The following PIK3C2G variants were observed in gnomAD, a reference collection of about 807,000 sequenced individuals.
PIK3C2G encodes phosphatidylinositol 3-kinase C2 domain-containing subunit gamma.
A neutral mutation model predicts 181.1 loss-of-function variants in PIK3C2G; 168 were observed. That is an observed-to-expected ratio of 0.93 (90% CI 0.82 to 1.05). The LOEUF is 1.05. Ranked by LOEUF, PIK3C2G falls within the 50% of genes least tolerant of loss-of-function variation. The probability of loss-of-function intolerance (pLI) is 0.00; values close to 1 mark genes in which losing one functional copy is unlikely to be tolerated. For missense variants in PIK3C2G, 1,869 were observed against 1,732.8 expected (o/e 1.08, Z -1.40); for synonymous variants, 573 against 592.2 (o/e 0.97, Z 0.47).
At chr12:18,688,417 G>A in the PIK3C2G span, among the ~76,000 whole-genome samples, 1 of 151,866 alleles carries the variant, frequency 6.6e-6, no homozygotes, top group Non-Finnish European at 1.5e-5. Flanking sequence ...CCAAGAATAT[G>A]TACAAAATTA....
the PIK3C2G span, among the ~76,000 whole-genome samples, chr12:18,664,650 T>C: frequency 6.6e-6 from 1 of 151,974 alleles, no homozygotes; most frequent in Non-Finnish European, 1.5e-5. Flanking sequence ...AGCCATCCCA[T>C]TATTGGGTAT....
At chr12:18,485,185 A>T (rs562067111) in intron 18 of PIK3C2G, among the ~76,000 whole-genome samples, 1 of 152,294 alleles carries the variant, frequency 6.6e-6, no homozygotes, top group South Asian at 2.1e-4. Flanking sequence ...TGAGGCAAAG[A>T]GGGCTGGGAT....
chr12:18,245,634 C>A (rs1028463404), upstream of PIK3C2G, among the ~76,000 whole-genome samples: 6 of 151,988 alleles, frequency 3.9e-5, no homozygotes, highest in South Asian at 2.1e-4. Context: ...ATGTAACTTA[C>A]AATTTTTAAG....
In PIK3C2G at chr12:18,290,960, T is replaced by C. The variant is rs1295004447; in HGVS notation, c.867T>C (p.Asn289=). The C allele has an allele frequency of 4.4e-6, 7 of 1,594,358 alleles. No individual in the cohort carries two copies. The Admixed American group carries it at 5.0e-5, about 11-fold the overall frequency. The change falls in exon 4 of 33, where the codon AAT becomes AAC. Residue 289 remains asparagine, a synonymous_variant. Coordinates refer to ENST00000538779, the MANE Select transcript of PIK3C2G (RefSeq NM_001288772.2). ...AGCTCTTTTCTAAGACCAAGTTTAA[T>C]ATACATATTTTTATTGATAACTCAA... ...PYQLFSKTKF[N]IHIFIDNSTQ... is the part of the protein sequence containing the mutation.
At chr12:18,295,810 G>A (rs1340822997) in intron 5 of PIK3C2G, among the ~76,000 whole-genome samples, 1 of 151,882 alleles carries the variant, frequency 6.6e-6, no homozygotes, top group African/African-American at 2.4e-5. Flanking sequence ...TTATTTTAAT[G>A]TGCAGAATAT....
intron 12 of PIK3C2G, among the ~76,000 whole-genome samples, chr12:18,367,847 C>G (rs1467265924): frequency 1.3e-5 from 2 of 152,148 alleles, no homozygotes; most frequent in African/African-American, 4.8e-5. Context: ...AGCCACCACC[C>G]CTGGCTGAGA....
chr12:18,245,165 G>A (rs1468940579), upstream of PIK3C2G, among the ~76,000 whole-genome samples: 2 of 152,080 alleles, frequency 1.3e-5, no homozygotes, highest in East Asian at 1.9e-4. Context: ...AGGAAAACTC[G>A]TAATAAAAAA....
chr12:18,535,943 C>T (rs1943830176), intron 24 of PIK3C2G, among the ~76,000 whole-genome samples: 1 of 138,940 alleles, frequency 7.2e-6, no homozygotes, highest in Non-Finnish European at 1.5e-5. Context: ...GAACATCACA[C>T]ACCAGGGCCT....
At chr12:18,390,007 C>T (rs1015390737) in intron 14 of PIK3C2G, among the ~76,000 whole-genome samples, 13 of 152,062 alleles carry the variant, frequency 8.5e-5, no homozygotes, top group Admixed American at 2.6e-4. Flanking sequence ...CTCTAAGGTA[C>T]CAAAGTTCAT....
At position 18,386,874 on chromosome 12, in the gene PIK3C2G, C is replaced by G. The variant is rs527619217; in HGVS notation, c.1996-4248C>G. Among the ~76,000 whole-genome samples the G allele has an allele frequency of 3.3e-5, 5 of 152,184 alleles. No individual in the cohort carries two copies. The South Asian group carries it at 1.0e-3, about 32-fold the overall frequency. The stretch of plus-strand genomic sequence containing the variant: ...CTGGGTCTCATACATTTCTAAGGTT[C>G]TTGTCTCAATATCTGTGTAAGTGCA... On this transcript the variant is annotated intron_variant, in intron 14 of 32. Transcript: ENST00000538779.
At chr12:18,367,574 G>A (rs996308915) in intron 12 of PIK3C2G, among the ~76,000 whole-genome samples, 22 of 151,886 alleles carry the variant, frequency 1.4e-4, no homozygotes, top group African/African-American at 5.3e-4. Context: ...TTTTTTTTGA[G>A]ATGGAGTTTC....
chr12:18,692,001 G>A, the PIK3C2G span, among the ~76,000 whole-genome samples: 2 of 152,140 alleles, frequency 1.3e-5, no homozygotes, highest in Admixed American at 1.3e-4. Flanking sequence ...AGTAGACGTG[G>A]AGTGTAGCTT....
At chr12:18,491,742 T>A (rs1419075761) in intron 20 of PIK3C2G, among the ~76,000 whole-genome samples, 184 bp downstream of exon 20, 1 of 152,184 alleles carries the variant, frequency 6.6e-6, no homozygotes, top group South Asian at 2.1e-4. Context: ...TGGGATCACA[T>A]TGGCCTTATC....
chr12:18,648,502 G>T (rs11044235), downstream of PIK3C2G: 50,176 of 176,604 alleles, frequency 0.28, 8,497 homozygotes, highest in South Asian at 0.49. Flanking sequence ...GAGGGAATTG[G>T]TATATTTCAG....
intron 24 of PIK3C2G, among the ~76,000 whole-genome samples, chr12:18,527,342 TG>T (rs1446897334): frequency 1.3e-5 from 2 of 152,236 alleles, no homozygotes; most frequent in African/African-American, 4.8e-5. Context: ...GCCCCACTTC[TG>T]TTGCTGGGGG....
At chr12:18,670,192 T>A in the PIK3C2G span, among the ~76,000 whole-genome samples, 1 of 152,064 alleles carries the variant, frequency 6.6e-6, no homozygotes, top group Non-Finnish European at 1.5e-5. Flanking sequence ...TGAAACAAGA[T>A]CAATATAAAA....
At chr12:18,450,180 G>A (rs1003425767) in intron 18 of PIK3C2G, among the ~76,000 whole-genome samples, 3 of 152,180 alleles carry the variant, frequency 2.0e-5, no homozygotes, top group African/African-American at 7.2e-5. Flanking sequence ...GGACTGCAGT[G>A]CAATGGCACA....
intron 18 of PIK3C2G, among the ~76,000 whole-genome samples, chr12:18,448,163 A>G (rs1309748097): frequency 6.6e-6 from 1 of 152,174 alleles, no homozygotes; most frequent in Non-Finnish European, 1.5e-5. Flanking sequence ...AACATACAAT[A>G]AAATTATTTT....
intron 29 of PIK3C2G, among the ~76,000 whole-genome samples, chr12:18,592,825 A>C (rs1427633112): frequency 6.6e-6 from 1 of 151,968 alleles, no homozygotes; most frequent in Non-Finnish European, 1.5e-5. Context: ...ATCTTCTACA[A>C]GGTTCCTGAG....
Sources: allele counts gnomAD v4.1 joint callset (sites outside exome capture counted in the v4.1 genomes callset), GRCh38; gene constraint gnomAD v4.1.1; transcripts MANE v1.5; gene names NCBI Gene and HGNC (gene_info 2026-07-23, HGNC 2026-07-21).